The following DNAH11 variants were observed in gnomAD, a reference collection of about 807,000 sequenced individuals.
DNAH11 encodes the protein dynein axonemal heavy chain 11.
A neutral mutation model predicts 526.0 loss-of-function variants in DNAH11; 442 were observed. That is an observed-to-expected ratio of 0.84 (90% CI 0.78 to 0.91). The LOEUF is 0.91. DNAH11 is among the 40% of genes least tolerant of loss of function. The pLI is 0.00. For missense variants in DNAH11, 6,989 were observed against 5,448.7 expected, an observed-to-expected ratio of 1.28 and a Z score of -8.90; for synonymous variants, 2,461 against 1,935.9, an observed-to-expected ratio of 1.27 and a Z score of -7.12.
At chr7:21,860,875 G>T (rs113258398) in intron 68 of DNAH11, among the ~76,000 whole-genome samples, 1 of 152,158 alleles carries the variant, frequency 6.6e-6, no homozygotes, top group Non-Finnish European at 1.5e-5. Flanking sequence ...ATGGCAGCAG[G>T]CAAGACAGAA....
intron 6 of DNAH11, among the ~76,000 whole-genome samples, chr7:21,566,551 ACC>A (rs1235766261): frequency 6.6e-6 from 1 of 151,834 alleles, no homozygotes; most frequent in Non-Finnish European, 1.5e-5. Context: ...CAAAAGTTAC[ACC>A]CTCATAGCAA....
chr7:21,791,652 G>C (rs996805334), intron 61 of DNAH11, among the ~76,000 whole-genome samples: 1 of 152,172 alleles, frequency 6.6e-6, no homozygotes, highest in Non-Finnish European at 1.5e-5. Flanking sequence ...AGCTAGAAGG[G>C]AGTAGGTATT....
intron 2 of DNAH11, among the ~76,000 whole-genome samples, chr7:21,553,108 C>G (rs1344978730): frequency 1.8e-5 from 1 of 54,580 alleles, no homozygotes; most frequent in Non-Finnish European, 3.4e-5. Context: ...AACTACTTCT[C>G]TTGGTTGTTT....
chr7:21,735,413 G>A (rs1185354932), intron 45 of DNAH11, among the ~76,000 whole-genome samples: 4 of 152,096 alleles, frequency 2.6e-5, no homozygotes, highest in African/African-American at 9.7e-5. Context: ...TACTTTGATG[G>A]CATTATCCAA....
chr7:21,747,236 T>C (rs781417224), intron 51 of DNAH11, among the ~76,000 whole-genome samples: 3 of 152,198 alleles, frequency 2.0e-5, no homozygotes, highest in Non-Finnish European at 2.9e-5. Flanking sequence ...TGTGTGGTCA[T>C]GTGAAGTAAA....
At chr7:21,690,143 A>T (rs894809172) in intron 34 of DNAH11, among the ~76,000 whole-genome samples, 1 of 152,186 alleles carries the variant, frequency 6.6e-6, no homozygotes, top group African/African-American at 2.4e-5. Flanking sequence ...GCAGAATCCA[A>T]TAAGGTTGGT....
At chr7:21,834,940 C>T (rs894095279) in intron 65 of DNAH11, among the ~76,000 whole-genome samples, 6 of 151,986 alleles carry the variant, frequency 3.9e-5, no homozygotes, top group Non-Finnish European at 8.8e-5. Flanking sequence ...AGACGAAAAA[C>T]AAAACATAAC....
intron 66 of DNAH11, among the ~76,000 whole-genome samples, chr7:21,843,847 T>G (rs914987558): frequency 6.6e-6 from 1 of 152,154 alleles, no homozygotes; most frequent in Non-Finnish European, 1.5e-5. Flanking sequence ...AAAAAGAATT[T>G]ATGTGCTAAC....
chr7:21,858,134 A>G (rs904636188), intron 68 of DNAH11, among the ~76,000 whole-genome samples: 12 of 152,208 alleles, frequency 7.9e-5, no homozygotes, highest in Non-Finnish European at 1.6e-4. Flanking sequence ...CACATTAAAA[A>G]TGCTCATCAG....
At chr7:21,749,880 A>T (rs946796143) in intron 53 of DNAH11, 79 bp downstream of exon 53, 22 of 1,585,076 alleles carry the variant, frequency 1.4e-5, no homozygotes, top group Non-Finnish European at 1.8e-5. Flanking sequence ...TTAAAGAGAG[A>T]GAATTCGTCT....
At chr7:21,713,499 G>C (rs972661529) in intron 42 of DNAH11, among the ~76,000 whole-genome samples, 2 of 152,078 alleles carry the variant, frequency 1.3e-5, no homozygotes, top group African/African-American at 4.8e-5. Context: ...TTCCTTCCAG[G>C]TTCTGGCAGT....
intron 34 of DNAH11, among the ~76,000 whole-genome samples, chr7:21,687,761 A>G (rs1321469390): frequency 2.0e-5 from 3 of 152,264 alleles, no homozygotes; most frequent in East Asian, 1.9e-4. Context: ...AAAACAAACA[A>G]CTTCTAGGAT....
chr7:21,701,172 A>G (rs1360298475), intron 36 of DNAH11, among the ~76,000 whole-genome samples: 1 of 152,102 alleles, frequency 6.6e-6, no homozygotes, highest in Non-Finnish European at 1.5e-5. Context: ...AGCCTACTCC[A>G]TCAGTGGCTT....
chr7:21,620,679 G>A (rs938162648), intron 25 of DNAH11, among the ~76,000 whole-genome samples: 2 of 149,358 alleles, frequency 1.3e-5, no homozygotes, highest in Non-Finnish European at 3.0e-5. Context: ...TCGTCATTTA[G>A]CATTAGGTAT....
chr7:21,744,762 C>G, intron 50 of DNAH11, 108 bp from the exon 51 acceptor site: 1 of 1,417,352 alleles, frequency 7.1e-7, no homozygotes, highest in Non-Finnish European at 9.6e-7. Context: ...TTCCACCCAC[C>G]TACCCATGTG....
At chr7:21,689,558 T>C (rs1248254818) in intron 34 of DNAH11, among the ~76,000 whole-genome samples, 2 of 152,348 alleles carry the variant, frequency 1.3e-5, no homozygotes, top group African/African-American at 2.4e-5. Flanking sequence ...GTCCCTCCTG[T>C]GTACAATGGG....
At chr7:21,574,563 C>T (rs1784012657) in intron 8 of DNAH11, among the ~76,000 whole-genome samples, 1 of 131,230 alleles carries the variant, frequency 7.6e-6, no homozygotes, top group Admixed American at 7.6e-5. Context: ...TCCCTTCCTT[C>T]CTTTTTTTTT....
In DNAH11 at chr7:21,655,850, A is replaced by G; in HGVS notation, c.4963A>G (p.Lys1655Glu). ...QPKQVTCHLAKLFDSIADLQF... is the reference protein window; with the variant it reads ...QPKQVTCHLAELFDSIADLQF... ...ATTTTAGGTAACATGTCACCTTGCCAAACTTTTCGACAGCATTGCAGATCT... is the reference window on the plus strand; with the variant it reads ...ATTTTAGGTAACATGTCACCTTGCCGAACTTTTCGACAGCATTGCAGATCT... The change falls in exon 29 of 82, where the codon AAA (lysine) becomes GAA (glutamate). Residue 1655 changes from lysine to glutamate, a missense_variant. Coordinates refer to ENST00000409508, the MANE Select transcript of DNAH11 (RefSeq NM_001277115.2). The G allele has an allele frequency of 6.2e-7, 1 of 1,613,166 alleles. No homozygotes were observed. Among genetic ancestry groups the G allele is most frequent in the South Asian group, 1.1e-5 (1 of 90,954 alleles).
chr7:21,884,952 ATATG>A (rs1562603170), intron 76 of DNAH11, among the ~76,000 whole-genome samples: 2 of 152,102 alleles, frequency 1.3e-5, no homozygotes. Context: ...AATGTGGTCA[ATATG>A]TATGTGAGGT....
Sources: allele counts gnomAD v4.1 joint callset (sites outside exome capture counted in the v4.1 genomes callset), GRCh38; gene constraint gnomAD v4.1.1; transcripts MANE v1.5; gene names NCBI Gene and HGNC (gene_info 2026-07-23, HGNC 2026-07-21).